The following SLC26A5 variants were observed in gnomAD, a reference collection of about 807,000 sequenced individuals.
SLC26A5 encodes the protein prestin.
SLC26A5 carries 51 observed loss-of-function variants against 81.0 expected under a neutral mutation model. That is an observed-to-expected ratio of 0.63 (90% CI 0.50 to 0.80). SLC26A5 has a LOEUF of 0.80. Ranked by LOEUF, SLC26A5 falls within the 30% of genes least tolerant of loss-of-function variation. The pLI is 0.00. For missense variants in SLC26A5, 771 were observed against 905.8 expected (o/e 0.85, Z 1.91); for synonymous variants, 325 against 332.8 (o/e 0.98, Z 0.25).
At chr7:103,439,688 C>G (rs961783726) in intron 2 of SLC26A5, among the ~76,000 whole-genome samples, 1 of 152,170 alleles carries the variant, frequency 6.6e-6, no homozygotes, top group Non-Finnish European at 1.5e-5. Context: ...CATGCGCAAC[C>G]ATGCCCACCT....
chr7:103,427,134 C>T (rs1362065200), intron 2 of SLC26A5, among the ~76,000 whole-genome samples: 5 of 150,364 alleles, frequency 3.3e-5, no homozygotes, highest in South Asian at 4.2e-4. Context: ...AGTGCAGTGG[C>T]GTGATCTTGG....
downstream of SLC26A5, among the ~76,000 whole-genome samples, chr7:103,370,477 A>G (rs933001677): frequency 2.6e-5 from 4 of 151,790 alleles, no homozygotes; most frequent in African/African-American, 9.7e-5. Context: ...TCCACGCAAG[A>G]GAGCAGACTC....
At chr7:103,357,063 C>T (rs528990526) in intron 19 of SLC26A5, among the ~76,000 whole-genome samples, 3 of 152,176 alleles carry the variant, frequency 2.0e-5, no homozygotes, top group Admixed American at 6.5e-5. Context: ...CGGCAGCTCA[C>T]GCCTGTAATC....
chr7:103,387,871 A>G (rs1472644142), intron 14 of SLC26A5, among the ~76,000 whole-genome samples: 2 of 152,022 alleles, frequency 1.3e-5, no homozygotes, highest in African/African-American at 4.8e-5. Flanking sequence ...TTTAGTAAAG[A>G]CAGGGTTTCA....
At chr7:103,372,399 A>G (rs1380807764), downstream of SLC26A5, among the ~76,000 whole-genome samples, 3 of 152,232 alleles carry the variant, frequency 2.0e-5, no homozygotes, top group Non-Finnish European at 4.4e-5. Context: ...CAAGATGTCA[A>G]TAAGACAGCA....
chr7:103,364,186 T>C (rs1383127080), intron 19 of SLC26A5: 1 of 1,614,186 alleles, frequency 6.2e-7, no homozygotes, highest in Non-Finnish European at 8.5e-7. Context: ...CCCAAGGGCG[T>C]GCTGCTCTTT....
rs1244758241 is a variant in SLC26A5, at chr7:103,412,542, G to GTTTTTT, written c.403+454_403+459dup. 1.7e-4 allele frequency among the ~76,000 whole-genome samples: 21 copies of GTTTTTT among 121,648 alleles called. 1 individual carries two copies. Among genetic ancestry groups the GTTTTTT allele is most frequent in the African/African-American group, 4.5e-4 (12 of 26,656 alleles). The allele number at this position is 121,648 out of a possible 152,430, so 79.8% of individuals were successfully genotyped here. On this transcript the variant is annotated intron_variant, in intron 5 of 19. Transcript: ENST00000306312. ...TTCTAGAAATCTTGGGAGGAGTGTA[G>GTTTTTT]TTTTTTTTTTGTTTTTTTTTTTTTT...
chr7:103,408,087 C>T, intron 7 of SLC26A5, 84 bp from the exon 8 acceptor site: 3 of 1,548,608 alleles, frequency 1.9e-6, no homozygotes, highest in Admixed American at 1.7e-5. Context: ...TAATTCACAC[C>T]AGCCATTCCG....
chr7:103,437,234 CATA>C (rs1826516039), intron 2 of SLC26A5, among the ~76,000 whole-genome samples: 1 of 152,216 alleles, frequency 6.6e-6, no homozygotes, highest in Non-Finnish European at 1.5e-5. Context: ...CACAATGATA[CATA>C]ATGTCACCTG....
At chr7:103,432,460 G>A (rs1169704731) in intron 2 of SLC26A5, among the ~76,000 whole-genome samples, 2 of 151,966 alleles carry the variant, frequency 1.3e-5, no homozygotes, top group East Asian at 3.9e-4. Context: ...TTAACTTCCA[G>A]TTTAATAATC....
chr7:103,398,135 AAAG>A (rs1413038688), intron 8 of SLC26A5, 121 bp from the exon 9 acceptor site: 8 of 815,204 alleles, frequency 9.8e-6, no homozygotes, highest in African/African-American at 8.4e-5. Flanking sequence ...TCAGATTTAA[AAAG>A]AAGATTTACC....
intron 1 of SLC26A5, among the ~76,000 whole-genome samples, chr7:103,444,262 ATCT>A: frequency 6.6e-6 from 1 of 152,332 alleles, no homozygotes; most frequent in East Asian, 1.9e-4. Flanking sequence ...GAAAATCATC[ATCT>A]TATTTTTCTT....
At chr7:103,423,574 A>G (rs1825513404) in intron 2 of SLC26A5, among the ~76,000 whole-genome samples, 1 of 152,148 alleles carries the variant, frequency 6.6e-6, no homozygotes, top group African/African-American at 2.4e-5. Context: ...GGATTAAGTT[A>G]TAAAAAGACT....
intron 12 of SLC26A5, 93 bp from the exon 13 acceptor site, chr7:103,389,517 C>A: frequency 3.4e-6 from 3 of 892,702 alleles, no homozygotes; most frequent in East Asian, 2.5e-5. Context: ...CCTCCCCATG[C>A]CTTCTCCCTA....
At chr7:103,430,967 C>T (rs1826039086) in intron 2 of SLC26A5, among the ~76,000 whole-genome samples, 1 of 152,206 alleles carries the variant, frequency 6.6e-6, no homozygotes, top group African/African-American at 2.4e-5. Context: ...CCTTCCAGCA[C>T]TAATTTGCTG....
rs1827297088 is a variant in SLC26A5, at chr7:103,446,092, A to T, written c.-183+6T>A. 1 of 151,702 alleles carries T rather than the reference A, an allele frequency of 6.6e-6. No homozygotes were observed. Among genetic ancestry groups the T allele is most frequent in the East Asian group, 1.9e-4 (1 of 5,148 alleles). The allele number at this position is 151,702 out of a possible 1,614,324, so 9.4% of individuals were successfully genotyped here. A position where few individuals can be genotyped will look rare whatever the true frequency, so the allele number is the denominator to read the frequency against. ...CCCGGCCCCGCGGCCGCCCGCGCGC[A>T]CTCACCAGCCCGGGCTGCCCTGGGC... On this transcript the variant is annotated splice_donor_region_variant and intron_variant, in intron 1 of 19. Transcript: ENST00000306312.
chr7:103,385,178 T>A (rs1173631635), intron 14 of SLC26A5, among the ~76,000 whole-genome samples: 1 of 152,102 alleles, frequency 6.6e-6, no homozygotes, highest in Non-Finnish European at 1.5e-5. Flanking sequence ...GTTGTTGTTG[T>A]TGAGACAGAG....
intron 9 of SLC26A5, among the ~76,000 whole-genome samples, chr7:103,393,567 C>CTGTGTG (rs10549297): frequency 8.1e-5 from 12 of 147,878 alleles, no homozygotes; most frequent in African/African-American, 3.0e-4. Context: ...CTACCTCTTC[C>CTGTGTG]TGTGTGTGTG....
At chr7:103,410,286 A>G (rs1824379935) in intron 7 of SLC26A5, 99 bp downstream of exon 7, 1 of 1,097,536 alleles carries the variant, frequency 9.1e-7, no homozygotes, top group East Asian at 2.4e-5. Context: ...TTACTGGAGA[A>G]AAAGAAAAAT....
Sources: gnomAD v4.1 joint callset for allele counts (sites outside exome capture counted in the v4.1 genomes callset) on GRCh38, gnomAD v4.1.1 for gene constraint, MANE v1.5 for transcripts, NCBI Gene and HGNC (gene_info 2026-07-23, HGNC 2026-07-21) for gene names.